SLC24A2: variants seen among roughly 807,000 people sequenced by gnomAD.
SLC24A2 encodes the protein solute carrier family 24 member 2, also known as sodium/potassium/calcium exchanger 2.
In SLC24A2, 36 loss-of-function variants were observed where a neutral mutation model predicts 62.0. That is an observed-to-expected ratio of 0.58 (90% CI 0.44 to 0.77). SLC24A2 has a LOEUF of 0.77. SLC24A2 is among the 30% of genes least tolerant of loss of function. The pLI, the probability that SLC24A2 is intolerant of heterozygous loss-of-function variation, is 0.00. For missense variants in SLC24A2, 846 were observed against 817.9 expected, an observed-to-expected ratio of 1.03 and a Z score of -0.42; for synonymous variants, 358 against 294.0, an observed-to-expected ratio of 1.22 and a Z score of -2.23.
At chr9:19,616,581 A>T (rs1328770886) in intron 4 of SLC24A2, among the ~76,000 whole-genome samples, 1 of 152,224 alleles carries the variant, frequency 6.6e-6, no homozygotes, top group African/African-American at 2.4e-5. Flanking sequence ...CGCATGGTCA[A>T]TATCAGGTCA....
chr9:19,922,010 G>A, the SLC24A2 span, among the ~76,000 whole-genome samples: 3 of 152,226 alleles, frequency 2.0e-5, 1 homozygote, highest in South Asian at 2.1e-4. Context: ...GGTTTTTGTG[G>A]TCTTAAAATG....
chr9:19,601,338 T>C (rs1261585853), intron 4 of SLC24A2, among the ~76,000 whole-genome samples: 5 of 152,312 alleles, frequency 3.3e-5, no homozygotes, highest in African/African-American at 1.2e-4. Flanking sequence ...AAATCGAACA[T>C]GGGTGGGGAC....
chr9:19,784,514 C>G (rs1368499553), intron 2 of SLC24A2, among the ~76,000 whole-genome samples: 1 of 152,166 alleles, frequency 6.6e-6, no homozygotes, highest in Non-Finnish European at 1.5e-5. Flanking sequence ...AAAAAATAAG[C>G]ATTTCCTTGA....
Position 19,754,335 on chromosome 9 carries a change from G to A in SLC24A2, c.930+31602C>T, listed in dbSNP as rs572698881. Among the ~76,000 whole-genome samples, 7 of 152,320 alleles carry A rather than the reference G, an allele frequency of 4.6e-5. No homozygotes were observed. The South Asian group carries it at 1.5e-3, about 32-fold the overall frequency. ...CCAAGGCATGAAGAGCGTAGGACTT[G>A]GAGCATGACAATCTCATGACAGCCT... is the stretch of plus-strand genomic sequence containing the variant. On this transcript the variant is annotated intron_variant, in intron 2 of 10. Transcript: ENST00000341998.
chr9:19,834,738 C>T, the SLC24A2 span, among the ~76,000 whole-genome samples: 1 of 152,254 alleles, frequency 6.6e-6, no homozygotes, highest in Non-Finnish European at 1.5e-5. Context: ...CACAAAGATA[C>T]TCCTCGAGAA....
chr9:20,166,957 C>A, the SLC24A2 span, among the ~76,000 whole-genome samples: 10 of 152,056 alleles, frequency 6.6e-5, no homozygotes, highest in Admixed American at 6.6e-4. Flanking sequence ...CCTTTCACCT[C>A]AGCCTCCTGA....
At chr9:19,845,524 T>G in the SLC24A2 span, among the ~76,000 whole-genome samples, 28 of 152,280 alleles carry the variant, frequency 1.8e-4, no homozygotes, top group African/African-American at 4.8e-4. Flanking sequence ...TTGATTTTAT[T>G]TATGCTTTCA....
the SLC24A2 span, among the ~76,000 whole-genome samples, chr9:20,015,618 T>A: frequency 1.2e-4 from 18 of 152,308 alleles, no homozygotes; most frequent in African/African-American, 4.3e-4. Context: ...CTTAGCTAGG[T>A]TGACTTAGTA....
At chr9:19,838,911 G>C in the SLC24A2 span, among the ~76,000 whole-genome samples, 12 of 152,122 alleles carry the variant, frequency 7.9e-5, no homozygotes, top group Admixed American at 7.9e-4. Context: ...AAACTAAAGA[G>C]CTTCTGCACA....
At chr9:20,023,782 G>A in the SLC24A2 span, among the ~76,000 whole-genome samples, 7 of 152,116 alleles carry the variant, frequency 4.6e-5, no homozygotes, top group African/African-American at 1.7e-4. Context: ...AAACAAACTG[G>A]AAAGGAAAAC....
chr9:20,032,206 G>T, the SLC24A2 span, among the ~76,000 whole-genome samples: 1 of 152,136 alleles, frequency 6.6e-6, no homozygotes, highest in East Asian at 1.9e-4. Flanking sequence ...AAATGCTCTT[G>T]TCTCTTTCAA....
intron 4 of SLC24A2, among the ~76,000 whole-genome samples, chr9:19,608,100 A>G (rs1364372944): frequency 6.6e-6 from 1 of 151,920 alleles, no homozygotes; most frequent in African/African-American, 2.4e-5. Flanking sequence ...ATTGGATTTT[A>G]TTTTTCTCCA....
chr9:19,833,305 G>T, the SLC24A2 span, among the ~76,000 whole-genome samples: 1 of 152,184 alleles, frequency 6.6e-6, no homozygotes, highest in African/African-American at 2.4e-5. Flanking sequence ...CGTGCAAGGG[G>T]TCAGGGAATT....
chr9:19,946,092 C>T, the SLC24A2 span, among the ~76,000 whole-genome samples: 9 of 152,166 alleles, frequency 5.9e-5, no homozygotes, highest in Non-Finnish European at 7.3e-5. Context: ...TTTCTTTGCT[C>T]GCTACTCCCT....
chr9:19,566,561 T>C (rs1198832774), intron 7 of SLC24A2, among the ~76,000 whole-genome samples: 1 of 152,090 alleles, frequency 6.6e-6, no homozygotes, highest in African/African-American at 2.4e-5. Flanking sequence ...TGGCGATTCC[T>C]CAAGGATCTA....
intron 5 of SLC24A2, among the ~76,000 whole-genome samples, chr9:19,578,551 T>A (rs1458625220): frequency 8.3e-5 from 2 of 24,172 alleles, no homozygotes; most frequent in African/African-American, 2.8e-4. Context: ...TTTCCCACGA[T>A]GTATTTTTTT....
chr9:19,774,591 T>A (rs2118904857), intron 2 of SLC24A2, among the ~76,000 whole-genome samples: 1 of 152,330 alleles, frequency 6.6e-6, no homozygotes, highest in African/African-American at 2.4e-5. Context: ...GAACAACAGA[T>A]GACAGTTTAT....
At chr9:20,116,682 A>T in the SLC24A2 span, among the ~76,000 whole-genome samples, 1 of 152,202 alleles carries the variant, frequency 6.6e-6, no homozygotes, top group Non-Finnish European at 1.5e-5. Context: ...CAAAGTAAAA[A>T]TTCAATGCAT....
Position 19,599,329 on chromosome 9 carries a change from C to G in SLC24A2, c.1079-2050G>C, listed in dbSNP as rs1382677822. ...GCTTCCTTGGATATGATGAATGAGA[C>G]TGAAGAACAAGAACTAGGCAGAACA... On this transcript the variant is annotated intron_variant, in intron 4 of 10. Coordinates refer to ENST00000341998, the MANE Select transcript of SLC24A2 (RefSeq NM_020344.4). The surrounding 1 kb of genome is among the most constrained non-coding windows in gnomAD (Gnocchi z 4.5). 2.0e-5 allele frequency among the ~76,000 whole-genome samples: 3 copies of G among 152,030 alleles called. No homozygotes were observed. The highest frequency in any genetic ancestry group is 4.4e-5 in the Non-Finnish European group (3 of 68,022).
Sources: allele counts gnomAD v4.1 joint callset (sites outside exome capture counted in the v4.1 genomes callset), GRCh38; gene constraint gnomAD v4.1.1; non-coding constraint Gnocchi (gnomAD v3.1); transcripts MANE v1.5; gene names NCBI Gene and HGNC (gene_info 2026-07-23, HGNC 2026-07-21).